The following PRIM2 variants were observed in gnomAD, a reference collection of about 807,000 sequenced individuals.
The protein encoded by PRIM2 is DNA primase large subunit.
A neutral mutation model predicts 67.3 loss-of-function variants in PRIM2; 39 were observed. The ratio of observed to expected loss-of-function variants is 0.58; its 90% CI spans 0.45 to 0.76. PRIM2 has a LOEUF of 0.76. PRIM2 is among the 30% of genes least tolerant of loss of function. The probability of loss-of-function intolerance (pLI) is 0.00; values close to 1 mark genes in which losing one functional copy is unlikely to be tolerated. For synonymous variants in PRIM2, 143 were observed against 198.7 expected (o/e 0.72, Z 2.36); for missense variants, 398 against 598.7 (o/e 0.66, Z 3.50).
chr6:57,507,522 A>G (rs1774274750), intron 8 of PRIM2, 68 bp downstream of exon 8: 1 of 1,448,324 alleles, frequency 6.9e-7, no homozygotes, highest in Admixed American at 2.6e-5. Flanking sequence ...AAGTATATTA[A>G]AGTGGTGAAA....
At chr6:57,371,966 T>C (rs1769573838) in intron 5 of PRIM2, among the ~76,000 whole-genome samples, 1 of 152,258 alleles carries the variant, frequency 6.6e-6, no homozygotes. Context: ...AACAGAGATA[T>C]ATGTAAACAT....
rs546580686 is a variant in PRIM2 at position 57,423,740 on chromosome 6, C to T, written c.693+41572C>T. ...CTTAGTAAACATCTCTAATTGAATA[C>T]TAAAGGATCCCGTGCTGCCTGGTGG... On this transcript the variant is annotated intron_variant, in intron 7 of 13. Transcript: ENST00000615550. 3.0e-4 allele frequency among the ~76,000 whole-genome samples: 45 copies of T among 152,302 alleles called. No individual in the cohort carries two copies. In the Middle Eastern group the frequency reaches 0.01, roughly 35 times the overall value.
chr6:57,517,267 A>T lies in PRIM2; in HGVS notation c.761+9813A>T, dbSNP rs1225155238. 2.6e-4 allele frequency among the ~76,000 whole-genome samples: 40 copies of T among 152,318 alleles called. 1 individual carries two copies. In the South Asian group the frequency reaches 7.9e-3, roughly 30 times the overall value. On this transcript the variant is annotated intron_variant, in intron 8 of 13. Transcript: ENST00000615550. ...AAAATTAGTGATTTTACACTGTGTT[A>T]GTCATAAAACACTAACAGTGCAAAA...
chr6:57,442,496 G>T (rs1772232027), intron 7 of PRIM2, among the ~76,000 whole-genome samples: 1 of 151,970 alleles, frequency 6.6e-6, no homozygotes, highest in Non-Finnish European at 1.5e-5. Context: ...ATGGGTAAGG[G>T]CCCAAAGGAC....
At chr6:57,229,813 C>T in the PRIM2 span, among the ~76,000 whole-genome samples, 2 of 152,058 alleles carry the variant, frequency 1.3e-5, no homozygotes, top group Non-Finnish European at 2.9e-5. Flanking sequence ...TTCTTTTGAA[C>T]ATAATTATTT....
chr6:57,497,011 C>A (rs1774019307), intron 7 of PRIM2, among the ~76,000 whole-genome samples: 2 of 151,942 alleles, frequency 1.3e-5, no homozygotes. Flanking sequence ...AATAAAATGG[C>A]CAAATGTATG....
chr6:57,604,849 C>T lies in PRIM2; in HGVS notation c.1148-1526C>T, dbSNP rs1468626446. On this transcript the variant is annotated intron_variant, in intron 11 of 13. Transcript: ENST00000615550. ...GGGACTACAGGTGCCTGCCGCCATG[C>T]CCAGCTAATTTTTTGTATTTTTAGT... 4.6e-5 allele frequency among the ~76,000 whole-genome samples: 7 copies of T among 152,124 alleles called. No individual in the cohort carries two copies. In the East Asian group the frequency reaches 9.7e-4, roughly 21 times the overall value.
At chr6:57,376,909 G>A (rs1433889809) in intron 5 of PRIM2, among the ~76,000 whole-genome samples, 2 of 151,970 alleles carry the variant, frequency 1.3e-5, no homozygotes, top group Admixed American at 6.6e-5. Flanking sequence ...ACCGAGTCTC[G>A]CCTTGTCGCC....
chr6:57,610,596 C>G (rs1191512945), intron 12 of PRIM2, among the ~76,000 whole-genome samples: 57 of 151,550 alleles, frequency 3.8e-4, no homozygotes, highest in African/African-American at 1.3e-3. Flanking sequence ...AAATGGGTAC[C>G]CCTGCATTTA....
chr6:57,534,441 G>T (rs1774957705), intron 9 of PRIM2, among the ~76,000 whole-genome samples: 1 of 152,088 alleles, frequency 6.6e-6, no homozygotes, highest in African/African-American at 2.4e-5. Context: ...CTGGACTTAT[G>T]ATTCTTTTGT....
chr6:57,242,723 A>G, the PRIM2 span, among the ~76,000 whole-genome samples: 1 of 152,132 alleles, frequency 6.6e-6, no homozygotes, highest in Non-Finnish European at 1.5e-5. Flanking sequence ...TTTTTAAACC[A>G]GTGTTGCTAT....
At chr6:57,594,347 G>A (rs1183319944) in intron 10 of PRIM2, among the ~76,000 whole-genome samples, 7 of 152,176 alleles carry the variant, frequency 4.6e-5, no homozygotes, top group Admixed American at 1.3e-4. Context: ...ATGCAAGGAC[G>A]TAGAATAGCC....
chr6:57,228,841 T>C, the PRIM2 span, among the ~76,000 whole-genome samples: 2 of 152,220 alleles, frequency 1.3e-5, no homozygotes, highest in African/African-American at 4.8e-5. Context: ...ATTAGAGGAA[T>C]TTAATGAGTT....
At chr6:57,321,372 CA>C (rs1229883751) in intron 3 of PRIM2, among the ~76,000 whole-genome samples, 2 of 151,912 alleles carry the variant, frequency 1.3e-5, no homozygotes, top group Non-Finnish European at 2.9e-5. Flanking sequence ...GTCTAGTGGA[CA>C]ATTGGATATA....
At chr6:57,241,841 T>A in the PRIM2 span, among the ~76,000 whole-genome samples, 2 of 148,576 alleles carry the variant, frequency 1.3e-5, no homozygotes, top group Admixed American at 6.7e-5. Context: ...CCTGGCTAAT[T>A]TTTTGTATTT....
At chr6:57,458,166 C>T (rs887177686) in intron 7 of PRIM2, among the ~76,000 whole-genome samples, 25 of 152,182 alleles carry the variant, frequency 1.6e-4, no homozygotes, top group East Asian at 9.6e-4. Context: ...ACTTGTGCAT[C>T]GTGGGTTGAT....
intron 12 of PRIM2, among the ~76,000 whole-genome samples, chr6:57,628,841 A>G (rs1335537484): frequency 2.0e-5 from 3 of 152,114 alleles, no homozygotes; most frequent in African/African-American, 7.2e-5. Flanking sequence ...GTGGCTGCAT[A>G]GTACTCCATG....
At chr6:57,244,729 G>A in the PRIM2 span, among the ~76,000 whole-genome samples, 3 of 138,494 alleles carry the variant, frequency 2.2e-5, no homozygotes, top group Non-Finnish European at 3.1e-5. Flanking sequence ...TGATAAGAGC[G>A]AAACTCCATC....
intron 5 of PRIM2, among the ~76,000 whole-genome samples, chr6:57,328,223 T>C (rs1393196270): frequency 6.6e-6 from 1 of 152,256 alleles, no homozygotes; most frequent in Non-Finnish European, 1.5e-5. Context: ...AATCTTGACA[T>C]GCACCCTTTT....
Sources: gnomAD v4.1 joint callset for allele counts (sites outside exome capture counted in the v4.1 genomes callset) on GRCh38, gnomAD v4.1.1 for gene constraint, MANE v1.5 for transcripts, NCBI Gene and HGNC (gene_info 2026-07-23, HGNC 2026-07-21) for gene names.